Variants in GRIN2B observed in about 807,000 individuals in gnomAD.
GRIN2B encodes the protein glutamate ionotropic receptor NMDA type subunit 2B.
A neutral mutation model predicts 114.5 loss-of-function variants in GRIN2B; 5 were observed. That is an observed-to-expected ratio of 0.04 (90% CI 0.02 to 0.09). The LOEUF (loss-of-function observed/expected upper bound fraction) is 0.09, where lower values mean the gene tolerates loss of function less well. Among genes scored for constraint, GRIN2B ranks in the 10% least tolerant of loss-of-function variants. GRIN2B has a pLI of 1.00. For missense variants in GRIN2B, 1,108 were observed against 1,943.5 expected (o/e 0.57, Z 8.08); for synonymous variants, 787 against 745.1 (o/e 1.06, Z -0.92).
At position 13,790,097 on chromosome 12, in the gene GRIN2B, G is replaced by A. The variant is rs1440124441; in HGVS notation, c.412-36182C>T. Among the ~76,000 whole-genome samples the A allele has an allele frequency of 2.0e-5, 3 of 152,166 alleles. No homozygotes were observed. In the East Asian group the frequency reaches 5.8e-4, roughly 29 times the overall value. ...GTTCTGATCTCCCATGGAACTGAGG[G>A]ATGCAAATATCCTTCAGTACAGGCC... On this transcript the variant is annotated intron_variant, in intron 3 of 13. Transcript: ENST00000609686.
chr12:13,697,341 T>C (rs1159211409), intron 4 of GRIN2B, among the ~76,000 whole-genome samples: 3 of 152,176 alleles, frequency 2.0e-5, no homozygotes, highest in Admixed American at 2.0e-4. Flanking sequence ...ATTGAGTCTA[T>C]CAGGGCTTCT....
rs1295759456 is a variant in GRIN2B, at chr12:13,615,692, C to A, written c.1329-28G>T. 3 of 1,603,584 alleles carry A rather than the reference C, an allele frequency of 1.9e-6. No individual in the cohort carries two copies. Among genetic ancestry groups the A allele is most frequent in the Non-Finnish European group, 2.6e-6 (3 of 1,170,638 alleles). The stretch of plus-strand genomic sequence containing the variant: ...AGCCAATTAAAGAAACAAAAACAAA[C>A]AAACAAAAAAGTCTTTGTACAAAAA... On this transcript the variant is annotated intron_variant, in intron 6 of 13. Transcript: ENST00000609686. The surrounding 1 kb of genome is among the most constrained non-coding windows in gnomAD (Gnocchi z 5.8).
intron 2 of GRIN2B, among the ~76,000 whole-genome samples, chr12:13,965,061 C>T: frequency 6.6e-6 from 1 of 152,142 alleles, no homozygotes; most frequent in East Asian, 1.9e-4. Context: ...TTTAACCCAC[C>T]CCATTTTCCC....
intron 2 of GRIN2B, among the ~76,000 whole-genome samples, chr12:13,882,596 G>A (rs574230955): frequency 1.1e-3 from 168 of 152,158 alleles, no homozygotes; most frequent in African/African-American, 4.0e-3. Flanking sequence ...CTTTCACAGC[G>A]TTGTGAGACT....
intron 2 of GRIN2B, among the ~76,000 whole-genome samples, chr12:13,959,586 C>A (rs77911206): frequency 6.6e-6 from 1 of 151,800 alleles, no homozygotes; most frequent in Non-Finnish European, 1.5e-5. Context: ...GGAAACCATG[C>A]GGAGGGAGAA....
At chr12:13,833,002 A>C (rs1462088756) in intron 3 of GRIN2B, among the ~76,000 whole-genome samples, 1 of 152,258 alleles carries the variant, frequency 6.6e-6, no homozygotes, top group Non-Finnish European at 1.5e-5. Flanking sequence ...ATGAATAAAT[A>C]GTATGGAGGA....
chr12:13,963,228 G>A (rs1038429457), intron 2 of GRIN2B, among the ~76,000 whole-genome samples: 3 of 151,912 alleles, frequency 2.0e-5, no homozygotes, highest in Non-Finnish European at 2.9e-5. Context: ...TCTCTGGATC[G>A]CCCCCTTGGA....
intron 13 of GRIN2B, among the ~76,000 whole-genome samples, chr12:13,565,801 C>G (rs1489298105): frequency 6.6e-6 from 1 of 152,154 alleles, no homozygotes; most frequent in African/African-American, 2.4e-5. Flanking sequence ...AAGGTTTAGA[C>G]AAGGTAAGTC....
intron 10 of GRIN2B, among the ~76,000 whole-genome samples, chr12:13,577,504 T>G (rs1033284696): frequency 2.6e-5 from 4 of 152,134 alleles, no homozygotes; most frequent in African/African-American, 9.7e-5. Flanking sequence ...TGGGCTGTTT[T>G]GGCTGCCACC....
chr12:13,814,116 G>A (rs1309846914), intron 3 of GRIN2B, among the ~76,000 whole-genome samples: 1 of 152,232 alleles, frequency 6.6e-6, no homozygotes, highest in Non-Finnish European at 1.5e-5. Context: ...CGGAGATTTA[G>A]AGTTGGGATT....
chr12:13,955,044 A>T (rs1317317677), intron 2 of GRIN2B, among the ~76,000 whole-genome samples: 2 of 151,922 alleles, frequency 1.3e-5, no homozygotes, highest in African/African-American at 4.8e-5. Context: ...TCCCCAATGT[A>T]CCCATCCTTT....
At chr12:13,881,019 TGCGCGC>T (rs1866064573) in intron 2 of GRIN2B, among the ~76,000 whole-genome samples, 1 of 151,584 alleles carries the variant, frequency 6.6e-6, no homozygotes, top group Non-Finnish European at 1.5e-5. Context: ...TGTGTGCGCG[TGCGCGC>T]ACGCATGTGC....
intron 4 of GRIN2B, among the ~76,000 whole-genome samples, chr12:13,705,050 T>C (rs1447596238): frequency 2.7e-5 from 4 of 148,718 alleles, no homozygotes. Context: ...CATACCTGGA[T>C]TTGACAATCC....
At chr12:13,631,233 A>C (rs1183187678) in intron 5 of GRIN2B, among the ~76,000 whole-genome samples, 1 of 152,156 alleles carries the variant, frequency 6.6e-6, no homozygotes, top group Non-Finnish European at 1.5e-5. Context: ...CTAGTCTCAC[A>C]TCCTCCACTG....
At position 13,978,890 on chromosome 12, in the gene GRIN2B, T is replaced by C. The variant is rs74879379; in HGVS notation, c.-19+1038A>G. On this transcript the variant is annotated intron_variant, in intron 2 of 13. Transcript: ENST00000609686. The stretch of plus-strand genomic sequence containing the variant: ...TCCATTTCTCCTGCTATTTCTCTTC[T>C]CAAGTACATTAAAATACTGCCTAAT... Among the ~76,000 whole-genome samples the C allele has an allele frequency of 4.5e-3, 686 of 152,344 alleles. 7 individuals are homozygous for C. Among genetic ancestry groups the C allele is most frequent in the African/African-American group, 0.016 (657 of 41,578 alleles).
intron 5 of GRIN2B, among the ~76,000 whole-genome samples, chr12:13,633,670 T>C (rs904462955): frequency 6.6e-6 from 1 of 152,236 alleles, no homozygotes; most frequent in Non-Finnish European, 1.5e-5. Flanking sequence ...TGAAAAAGTT[T>C]CATTTGCTCC....
chr12:13,979,067 C>T (rs1417661828), intron 2 of GRIN2B, among the ~76,000 whole-genome samples: 1 of 152,140 alleles, frequency 6.6e-6, no homozygotes, highest in African/African-American at 2.4e-5. Context: ...TCCACATGCA[C>T]AGCATTTTAG....
Position 13,555,340 on chromosome 12 carries a change from G to T in GRIN2B, c.*7443C>A, listed in dbSNP as rs1015376240. 1 of 152,342 alleles carries T rather than the reference G, an allele frequency of 6.6e-6. No homozygotes were observed. The highest frequency in any genetic ancestry group is 1.9e-4 in the East Asian group (1 of 5,190). 9.4% of individuals were successfully genotyped at this position (152,342 alleles called of 1,614,324 possible). A position where few individuals can be genotyped will look rare whatever the true frequency, so the allele number is the denominator to read the frequency against. On this transcript the variant is annotated 3_prime_UTR_variant, in exon 14 of 14. Transcript: ENST00000609686. ...AGAGTAGTTTCAGAAGAGTGGTAGG[G>T]TGTAGCCCATTGATGAAGCCATGAG...
intron 4 of GRIN2B, among the ~76,000 whole-genome samples, chr12:13,679,331 T>A (rs1950107574): frequency 6.6e-6 from 1 of 152,158 alleles, no homozygotes; most frequent in South Asian, 2.1e-4. Context: ...GGGACAGCAT[T>A]GAATTAGGTG....
Sources: allele counts gnomAD v4.1 joint callset (sites outside exome capture counted in the v4.1 genomes callset), GRCh38; gene constraint gnomAD v4.1.1; non-coding constraint Gnocchi (gnomAD v3.1); transcripts MANE v1.5; gene names NCBI Gene and HGNC (gene_info 2026-07-23, HGNC 2026-07-21).